The following CELF2 variants were observed in gnomAD, a reference collection of about 807,000 sequenced individuals.
The protein encoded by CELF2 is CUG triplet repeat RNA-binding protein 2.
CELF2 carries 8 observed loss-of-function variants against 62.6 expected under a neutral mutation model. That is an observed-to-expected ratio of 0.13 (90% CI 0.07 to 0.23). The LOEUF (loss-of-function observed/expected upper bound fraction) is 0.23. CELF2 is among the 10% of genes least tolerant of loss of function. The probability of loss-of-function intolerance (pLI) is 1.00; values close to 1 mark genes in which losing one functional copy is unlikely to be tolerated. For synonymous variants in CELF2, 258 were observed against 250.0 expected, an observed-to-expected ratio of 1.03 and a Z score of -0.30; for missense variants, 333 against 671.0, an observed-to-expected ratio of 0.50 and a Z score of 5.56.
chr10:11,122,195 C>A (rs1163342143), intron 1 of CELF2, among the ~76,000 whole-genome samples: 1 of 152,178 alleles, frequency 6.6e-6, no homozygotes, highest in East Asian at 1.9e-4. Flanking sequence ...GAAAATGGAT[C>A]TCTGCAGCAA....
chr10:10,854,505 A>G (rs1260940610), intron 1 of CELF2, among the ~76,000 whole-genome samples: 1 of 152,218 alleles, frequency 6.6e-6, no homozygotes, highest in Non-Finnish European at 1.5e-5. Context: ...CCATGACCCA[A>G]GGAACCCACT....
the CELF2 span, among the ~76,000 whole-genome samples, chr10:10,557,456 G>A: frequency 7.2e-6 from 1 of 138,610 alleles, no homozygotes; most frequent in Non-Finnish European, 1.5e-5. Flanking sequence ...AAAGTTTGAA[G>A]TCAGGTAGTG....
the CELF2 span, among the ~76,000 whole-genome samples, chr10:10,473,112 G>A: frequency 6.6e-6 from 1 of 151,962 alleles, no homozygotes; most frequent in Admixed American, 6.6e-5. Flanking sequence ...CTAACAATGT[G>A]AGCTTATTTG....
At chr10:11,196,737 C>T (rs1254083538) in intron 2 of CELF2, among the ~76,000 whole-genome samples, 1 of 151,894 alleles carries the variant, frequency 6.6e-6, no homozygotes, top group Non-Finnish European at 1.5e-5. Flanking sequence ...GCAGGCAGAT[C>T]ACGAGGTCAG....
At chr10:10,525,529 T>C in the CELF2 span, among the ~76,000 whole-genome samples, 4 of 152,276 alleles carry the variant, frequency 2.6e-5, no homozygotes, top group African/African-American at 9.6e-5. Context: ...GTAACCACCA[T>C]TCCACCCTCT....
At chr10:11,234,942 T>C (rs1407749215) in intron 3 of CELF2, among the ~76,000 whole-genome samples, 1 of 152,152 alleles carries the variant, frequency 6.6e-6, no homozygotes, top group African/African-American at 2.4e-5. Flanking sequence ...TGTACTTTCA[T>C]ATATATTTTC....
At chr10:11,127,791 A>G (rs982050009) in intron 1 of CELF2, among the ~76,000 whole-genome samples, 14 of 152,230 alleles carry the variant, frequency 9.2e-5, no homozygotes, top group African/African-American at 3.4e-4. Context: ...GCCCTTTGTC[A>G]GATGAGTAGA....
At chr10:10,924,742 T>TTTTTTTTG (rs398012801) in intron 2 of CELF2, among the ~76,000 whole-genome samples, 1 of 148,760 alleles carries the variant, frequency 6.7e-6, no homozygotes, top group Non-Finnish European at 1.5e-5. Context: ...TTTTTTTTTT[T>TTTTTTTTG]GCCTTCTGTG....
intron 1 of CELF2, among the ~76,000 whole-genome samples, chr10:10,890,360 T>C (rs1485673029): frequency 6.6e-6 from 1 of 152,192 alleles, no homozygotes; most frequent in Non-Finnish European, 1.5e-5. Flanking sequence ...TGGGAATGCA[T>C]GCCCCGCCCC....
intron 9 of CELF2, among the ~76,000 whole-genome samples, chr10:11,292,423 T>C (rs1350813311): frequency 6.6e-6 from 1 of 152,224 alleles, no homozygotes; most frequent in Non-Finnish European, 1.5e-5. Flanking sequence ...CCTGTGGCCT[T>C]TCCATTGACA....
the CELF2 span, among the ~76,000 whole-genome samples, chr10:10,494,189 G>A: frequency 6.6e-6 from 1 of 152,336 alleles, no homozygotes; most frequent in East Asian, 1.9e-4. Flanking sequence ...CACGCTGCAG[G>A]AATCACTCTC....
intron 1 of CELF2, among the ~76,000 whole-genome samples, chr10:10,894,576 G>A (rs982141260): frequency 2.6e-5 from 4 of 152,086 alleles, no homozygotes; most frequent in Non-Finnish European, 5.9e-5. Context: ...CCAGTAGGAC[G>A]GAATTTTAGG....
intron 3 of CELF2, among the ~76,000 whole-genome samples, chr10:11,236,970 C>G (rs986945374): frequency 4.6e-5 from 7 of 152,176 alleles, no homozygotes; most frequent in African/African-American, 1.7e-4. Context: ...CCCTGAAATA[C>G]ATGCCAAGGA....
chr10:11,293,146 G>A (rs759709346), intron 9 of CELF2, among the ~76,000 whole-genome samples: 4 of 152,094 alleles, frequency 2.6e-5, no homozygotes, highest in East Asian at 3.9e-4. Context: ...CCACGCCGTC[G>A]GCCTTTACGC....
At position 11,247,894 on chromosome 10, in the gene CELF2, A is replaced by G. The variant is rs964751901; in HGVS notation, c.355-1259A>G. ...TGTCCTGCTTTTGAAGAGGCAGCTC[A>G]CTTAGCCTCTTTCTTCTCCCTCCTC... On this transcript the variant is annotated intron_variant, in intron 3 of 12. Transcript: ENST00000633077. The surrounding 1 kb of genome is among the most constrained non-coding windows in gnomAD (Gnocchi z 5.4). Among the ~76,000 whole-genome samples, 2 of 152,160 alleles carry G rather than the reference A, an allele frequency of 1.3e-5. No homozygotes were observed. Among genetic ancestry groups the G allele is most frequent in the African/African-American group, 4.8e-5 (2 of 41,426 alleles).
At chr10:10,592,497 C>A in the CELF2 span, among the ~76,000 whole-genome samples, 1 of 152,114 alleles carries the variant, frequency 6.6e-6, no homozygotes, top group African/African-American at 2.4e-5. Context: ...TCAGCCAACC[C>A]AAAATGTTAA....
the CELF2 span, among the ~76,000 whole-genome samples, chr10:10,589,706 A>T: frequency 2.6e-5 from 4 of 152,170 alleles, no homozygotes; most frequent in African/African-American, 9.7e-5. Context: ...ACAAGAAAAG[A>T]CGTGAGTCAC....
intron 1 of CELF2, among the ~76,000 whole-genome samples, chr10:11,161,397 G>A (rs72773974): frequency 0.023 from 3,469 of 152,282 alleles, 63 homozygotes; most frequent in Admixed American, 0.061. Flanking sequence ...TGGGGCCTGC[G>A]AGTGGTCACC....
the CELF2 span, among the ~76,000 whole-genome samples, chr10:10,478,823 C>G: frequency 6.6e-6 from 1 of 152,116 alleles, no homozygotes. Context: ...GCATTCACAG[C>G]AAAGTGTAAA....
Sources: allele counts gnomAD v4.1 joint callset (sites outside exome capture counted in the v4.1 genomes callset), GRCh38; gene constraint gnomAD v4.1.1; non-coding constraint Gnocchi (gnomAD v3.1); transcripts MANE v1.5; gene names NCBI Gene and HGNC (gene_info 2026-07-23, HGNC 2026-07-21).